DAAM2: variants seen among roughly 807,000 people sequenced by gnomAD.
DAAM2 encodes dishevelled associated activator of morphogenesis 2, also known as disheveled-associated activator of morphogenesis 2.
Under a neutral mutation model 120.7 loss-of-function variants are expected in DAAM2, and 39 were observed. The observed-to-expected ratio is 0.32, with a 90% CI of 0.25 to 0.42. DAAM2 has a LOEUF of 0.42. Ranked by LOEUF, DAAM2 falls within the 10% of genes least tolerant of loss-of-function variation. The probability of loss-of-function intolerance (pLI) is 1.00; values close to 1 mark genes in which losing one functional copy is unlikely to be tolerated. For synonymous variants in DAAM2, 488 were observed against 524.9 expected, an observed-to-expected ratio of 0.93 and a Z score of 0.96; for missense variants, 1,283 against 1,401.7, an observed-to-expected ratio of 0.92 and a Z score of 1.35.
Position 39,870,337 on chromosome 6 carries a change from C to G in DAAM2, c.874-3C>G, listed in dbSNP as rs1764607171. ...AGTCTGGCCCTCCCTTGGTGACCCCCAGGATAATCTGGAGTTCCGCCTACA... is the reference window on the plus strand; with the variant it reads ...AGTCTGGCCCTCCCTTGGTGACCCCGAGGATAATCTGGAGTTCCGCCTACA... On this transcript the variant is annotated splice_region_variant and splice_polypyrimidine_tract_variant and intron_variant, in intron 7 of 24. Coordinates refer to ENST00000274867, the MANE Select transcript of DAAM2 (RefSeq NM_001201427.2). 1.1e-5 allele frequency: 17 copies of G among 1,556,516 alleles called. No homozygotes were observed. Among genetic ancestry groups the G allele is most frequent in the Non-Finnish European group, 1.4e-5 (16 of 1,145,820 alleles).
chr6:39,859,581 GAACTGT>G (rs767095040), intron 2 of DAAM2, among the ~76,000 whole-genome samples: 1 of 152,134 alleles, frequency 6.6e-6, no homozygotes, highest in Non-Finnish European at 1.5e-5. Context: ...GAATTGAGAT[GAACTGT>G]AACTGTAAAA....
chr6:39,840,548 G>T (rs962435888), intron 1 of DAAM2, among the ~76,000 whole-genome samples: 2 of 152,218 alleles, frequency 1.3e-5, no homozygotes, highest in African/African-American at 4.8e-5. Context: ...GGTGGCACCA[G>T]CATTGGCACA....
At chr6:39,876,004 G>A (rs547117031) in intron 11 of DAAM2, among the ~76,000 whole-genome samples, 56 of 152,242 alleles carry the variant, frequency 3.7e-4, no homozygotes, top group African/African-American at 8.7e-4. Flanking sequence ...GACTATGCAT[G>A]GTATGTAAAA....
At chr6:39,800,145 T>G (rs1283658372) in intron 1 of DAAM2, among the ~76,000 whole-genome samples, 1 of 152,226 alleles carries the variant, frequency 6.6e-6, no homozygotes, top group Non-Finnish European at 1.5e-5. Flanking sequence ...CTATTAAGTG[T>G]GGTTTCTTTC....
chr6:39,823,641 C>T (rs898961972), intron 1 of DAAM2, among the ~76,000 whole-genome samples: 1 of 152,172 alleles, frequency 6.6e-6, no homozygotes, highest in African/African-American at 2.4e-5. Context: ...AACTTCTGAC[C>T]TTTCCTGAGG....
chr6:39,845,592 C>G (rs150814370), intron 1 of DAAM2, among the ~76,000 whole-genome samples: 1,892 of 152,002 alleles, frequency 0.012, 17 homozygotes, highest in Non-Finnish European at 0.018. Context: ...CACACACATA[C>G]CACTCCCCAC....
At chr6:39,871,483 C>T in intron 8 of DAAM2, 23 bp from the exon 9 acceptor site, 1 of 1,547,754 alleles carries the variant, frequency 6.5e-7, no homozygotes, top group Non-Finnish European at 8.7e-7. Context: ...TGTCTACTCT[C>T]TCTGTCTCCC....
chr6:39,802,227 G>C (rs1761884914), intron 1 of DAAM2, among the ~76,000 whole-genome samples: 1 of 152,214 alleles, frequency 6.6e-6, no homozygotes, highest in South Asian at 2.1e-4. Flanking sequence ...AGCTGAGGCT[G>C]ACAGCTGATA....
chr6:39,835,224 C>T (rs145373182), intron 1 of DAAM2, among the ~76,000 whole-genome samples: 1 of 152,238 alleles, frequency 6.6e-6, no homozygotes, highest in Non-Finnish European at 1.5e-5. Flanking sequence ...CAGGTAGTGA[C>T]TGAAGATGGC....
intron 2 of DAAM2, among the ~76,000 whole-genome samples, chr6:39,856,820 C>G (rs1053259974): frequency 1.3e-5 from 2 of 152,228 alleles, no homozygotes; most frequent in Non-Finnish European, 2.9e-5. Context: ...GCCTTTCTCT[C>G]TTCTGCTCCT....
At chr6:39,854,085 C>A (rs796164414) in intron 1 of DAAM2, among the ~76,000 whole-genome samples, 12 of 152,342 alleles carry the variant, frequency 7.9e-5, no homozygotes, top group African/African-American at 2.2e-4. Flanking sequence ...TACTCCAGGT[C>A]TTTGCTGCCA....
chr6:39,904,181 T>C lies in DAAM2; in HGVS notation c.*2144T>C. On this transcript the variant is annotated 3_prime_UTR_variant, in exon 25 of 25. Coordinates refer to ENST00000274867, the MANE Select transcript of DAAM2 (RefSeq NM_001201427.2). ...GACTATGGAAGCTGTTCAAGATACA[T>C]TTGATCTTCAGAAAAGCAGAATTTG... is the stretch of plus-strand genomic sequence containing the variant. The C allele has an allele frequency of 2.2e-6, 1 of 456,678 alleles. No homozygotes were observed. Among genetic ancestry groups the C allele is most frequent in the Non-Finnish European group, 4.4e-6 (1 of 226,968 alleles). 28.3% of individuals were successfully genotyped at this position (456,678 alleles called of 1,614,324 possible).
chr6:39,843,518 T>C (rs1763436139), intron 1 of DAAM2, among the ~76,000 whole-genome samples: 1 of 152,214 alleles, frequency 6.6e-6, no homozygotes, highest in Non-Finnish European at 1.5e-5. Flanking sequence ...AAAGGCTGCC[T>C]GCGCTGGCTG....
intron 1 of DAAM2, among the ~76,000 whole-genome samples, chr6:39,846,818 T>G (rs1763612434): frequency 6.6e-6 from 1 of 152,106 alleles, no homozygotes; most frequent in African/African-American, 2.4e-5. Context: ...TTTTTACAGC[T>G]CTTAGCATGG....
intron 23 of DAAM2, 137 bp downstream of exon 23, chr6:39,900,345 C>T: frequency 5.1e-6 from 5 of 978,626 alleles, no homozygotes; most frequent in Non-Finnish European, 7.3e-6. Flanking sequence ...TTTCTTCGCT[C>T]TTAACAAGAC....
At chr6:39,891,501 G>T in intron 18 of DAAM2, 54 bp downstream of exon 18, 3 of 1,528,558 alleles carry the variant, frequency 2.0e-6, no homozygotes, top group Admixed American at 1.9e-5. Flanking sequence ...GGCAGGTGGG[G>T]CAGGTGGGGC....
chr6:39,876,188 A>T (rs1025786968), intron 11 of DAAM2, among the ~76,000 whole-genome samples: 2 of 152,202 alleles, frequency 1.3e-5, no homozygotes, highest in Non-Finnish European at 1.5e-5. Flanking sequence ...ATCTACATCA[A>T]TTAATAATAA....
intron 1 of DAAM2, among the ~76,000 whole-genome samples, chr6:39,831,199 T>C (rs1762873893): frequency 6.6e-6 from 1 of 152,160 alleles, no homozygotes; most frequent in Non-Finnish European, 1.5e-5. Context: ...CCATGGAATA[T>C]ACATTCTTGT....
intron 1 of DAAM2, among the ~76,000 whole-genome samples, chr6:39,837,330 T>C (rs1763139104): frequency 6.6e-6 from 1 of 152,086 alleles, no homozygotes; most frequent in African/African-American, 2.4e-5. Context: ...GATGTGTGAA[T>C]TGGCGTCATT....
Sources: allele counts gnomAD v4.1 joint callset (sites outside exome capture counted in the v4.1 genomes callset), GRCh38; gene constraint gnomAD v4.1.1; transcripts MANE v1.5; gene names NCBI Gene and HGNC (gene_info 2026-07-23, HGNC 2026-07-21).